Variants in TRAF3IP1 observed in about 807,000 individuals in gnomAD.
The protein encoded by TRAF3IP1 is intraflagellar transport 54.
In TRAF3IP1, 53 loss-of-function variants were observed where a neutral mutation model predicts 89.9. The ratio of observed to expected loss-of-function variants is 0.59; its 90% CI spans 0.47 to 0.74. The LOEUF is 0.74. Ranked by LOEUF, TRAF3IP1 falls within the 30% of genes least tolerant of loss-of-function variation. The pLI is 0.00. For synonymous variants in TRAF3IP1, 311 were observed against 322.1 expected (o/e 0.97, Z 0.37); for missense variants, 806 against 866.1 (o/e 0.93, Z 0.87).
intron 15 of TRAF3IP1, among the ~76,000 whole-genome samples, chr2:238,360,638 C>G (rs112067424): frequency 0.059 from 9,028 of 152,166 alleles, 381 homozygotes; most frequent in Non-Finnish European, 0.081. Context: ...AATCCCAGCA[C>G]TTTAGGAGGC....
At chr2:238,342,883 T>C (rs963406041) in intron 8 of TRAF3IP1, among the ~76,000 whole-genome samples, 1 of 152,220 alleles carries the variant, frequency 6.6e-6, no homozygotes, top group African/African-American at 2.4e-5. Flanking sequence ...TATATGATAG[T>C]TAATGTCAGG....
Position 238,332,092 on chromosome 2 carries a change from T to C in TRAF3IP1, c.916-732T>C, listed in dbSNP as rs1005846045. 2.0e-5 allele frequency among the ~76,000 whole-genome samples: 3 copies of C among 152,242 alleles called. No homozygotes were observed. The South Asian group carries it at 6.2e-4, about 31-fold the overall frequency. Reference sequence around the variant, plus strand: ...TCTTTTATGGGTAGCACGTGTGCAGTGCCCAGCTTGCAGTCATGGGTAATT... The same window carrying C: ...TCTTTTATGGGTAGCACGTGTGCAGCGCCCAGCTTGCAGTCATGGGTAATT... On this transcript the variant is annotated intron_variant, in intron 5 of 16. Coordinates refer to ENST00000373327, the MANE Select transcript of TRAF3IP1 (RefSeq NM_015650.4).
intron 15 of TRAF3IP1, among the ~76,000 whole-genome samples, chr2:238,375,021 T>G (rs1166817879): frequency 6.6e-6 from 1 of 152,204 alleles, no homozygotes; most frequent in East Asian, 1.9e-4. Flanking sequence ...CTTCTCTCTT[T>G]TCTTCTTTAT....
At chr2:238,323,711 C>G (rs75498923) in intron 1 of TRAF3IP1, among the ~76,000 whole-genome samples, 4,251 of 152,276 alleles carry the variant, frequency 0.028, 89 homozygotes, top group Middle Eastern at 0.048. Context: ...CTGTCCTTAC[C>G]ACATACCATG....
intron 15 of TRAF3IP1, among the ~76,000 whole-genome samples, chr2:238,381,037 G>C (rs1232581756): frequency 6.6e-6 from 1 of 151,228 alleles, no homozygotes; most frequent in Non-Finnish European, 1.5e-5. Context: ...CTCTCAAAAG[G>C]CTTCATCTGT....
intron 15 of TRAF3IP1, among the ~76,000 whole-genome samples, chr2:238,376,264 T>G (rs1370097459): frequency 6.6e-6 from 1 of 152,112 alleles, no homozygotes; most frequent in Non-Finnish European, 1.5e-5. Context: ...TTTAACTGGG[T>G]TTTTCAACTA....
chr2:238,372,864 G>C (rs1168329310), intron 15 of TRAF3IP1, among the ~76,000 whole-genome samples: 4 of 152,154 alleles, frequency 2.6e-5, no homozygotes, highest in African/African-American at 9.7e-5. Context: ...GTTTTGATTT[G>C]CATTTTTCTG....
chr2:238,380,668 A>T (rs778321390), intron 15 of TRAF3IP1, among the ~76,000 whole-genome samples: 1 of 152,084 alleles, frequency 6.6e-6, no homozygotes, highest in Non-Finnish European at 1.5e-5. Flanking sequence ...AGCCTCAGTT[A>T]CCTGTGATTC....
At chr2:238,354,816 A>AT (rs1699335633) in intron 14 of TRAF3IP1, among the ~76,000 whole-genome samples, 2 of 151,566 alleles carry the variant, frequency 1.3e-5, no homozygotes, top group African/African-American at 2.4e-5. Context: ...ACACCCAGTT[A>AT]TTTTTTTGTA....
intron 15 of TRAF3IP1, among the ~76,000 whole-genome samples, chr2:238,364,466 T>C (rs959280060): frequency 6.6e-6 from 1 of 151,872 alleles, no homozygotes; most frequent in African/African-American, 2.4e-5. Context: ...AAAGAACCAT[T>C]TTATTACAGT....
chr2:238,354,566 T>C (rs1344859635), intron 14 of TRAF3IP1, among the ~76,000 whole-genome samples: 1 of 152,200 alleles, frequency 6.6e-6, no homozygotes, highest in Non-Finnish European at 1.5e-5. Context: ...CATAGCAATT[T>C]TAGAACACCA....
chr2:238,375,097 T>G (rs1341184503), intron 15 of TRAF3IP1, among the ~76,000 whole-genome samples: 1 of 152,212 alleles, frequency 6.6e-6, no homozygotes, highest in East Asian at 1.9e-4. Flanking sequence ...GATTCATTGA[T>G]TTTCTGAAGG....
rs1486131937 is a variant in TRAF3IP1, at chr2:238,345,093, T to G, written c.1261+495T>G. On this transcript the variant is annotated intron_variant, in intron 9 of 16. Transcript: ENST00000373327. The surrounding 1 kb of genome is among the most constrained non-coding windows in gnomAD (Gnocchi z 4.7). ...CATTCAATGTTTGTGTTTTGAGGCC[T>G]TGGAGCTCCTAACAGGCCTGCAAGG... Among the ~76,000 whole-genome samples, 1 of 152,214 alleles carries G rather than the reference T, an allele frequency of 6.6e-6. No individual in the cohort carries two copies. Among genetic ancestry groups the G allele is most frequent in the Admixed American group, 6.5e-5 (1 of 15,280 alleles).
chr2:238,354,593 A>G (rs1699318904), intron 14 of TRAF3IP1, among the ~76,000 whole-genome samples: 1 of 152,138 alleles, frequency 6.6e-6, no homozygotes, highest in African/African-American at 2.4e-5. Flanking sequence ...GTTTTTAACA[A>G]CAATAGGATT....
chr2:238,398,715 A>G (rs552177802), intron 16 of TRAF3IP1, 39 bp from the exon 17 acceptor site: 1 of 1,536,968 alleles, frequency 6.5e-7, no homozygotes, highest in African/African-American at 1.4e-5. Context: ...ACACAATGAG[A>G]TGAGAGAGTG....
At chr2:238,355,650 G>A (rs1048561037) in intron 14 of TRAF3IP1, among the ~76,000 whole-genome samples, 9 of 152,204 alleles carry the variant, frequency 5.9e-5, no homozygotes, top group Admixed American at 2.0e-4. Flanking sequence ...AGAAGTATCC[G>A]TACTTAGAAG....
At chr2:238,366,646 G>C (rs552123476) in intron 15 of TRAF3IP1, among the ~76,000 whole-genome samples, 1 of 152,020 alleles carries the variant, frequency 6.6e-6, no homozygotes, top group East Asian at 1.9e-4. Flanking sequence ...CGGTTTTTTA[G>C]ATTTTAGTCA....
intron 15 of TRAF3IP1, among the ~76,000 whole-genome samples, chr2:238,380,247 C>G (rs1700489111): frequency 6.6e-6 from 1 of 152,126 alleles, no homozygotes; most frequent in Non-Finnish European, 1.5e-5. Flanking sequence ...CAGCTGGATC[C>G]CTACGGTGCC....
chr2:238,390,153 T>C (rs1377957400), intron 15 of TRAF3IP1, among the ~76,000 whole-genome samples: 2 of 152,182 alleles, frequency 1.3e-5, no homozygotes, highest in Non-Finnish European at 2.9e-5. Context: ...GGGGTGACTT[T>C]GTGTCCCCTT....
Sources: allele counts gnomAD v4.1 joint callset (sites outside exome capture counted in the v4.1 genomes callset), GRCh38; gene constraint gnomAD v4.1.1; non-coding constraint Gnocchi (gnomAD v3.1); transcripts MANE v1.5; gene names NCBI Gene and HGNC (gene_info 2026-07-23, HGNC 2026-07-21).